RGS7: variants seen among roughly 807,000 people sequenced by gnomAD.
The protein encoded by RGS7 is regulator of G-protein signaling 7.
A neutral mutation model predicts 81.1 loss-of-function variants in RGS7; 27 were observed. The ratio of observed to expected loss-of-function variants is 0.33; its 90% CI spans 0.25 to 0.46. RGS7 has a LOEUF of 0.46. Among genes scored for constraint, RGS7 ranks in the 20% least tolerant of loss-of-function variants. RGS7 has a pLI of 1.00. For synonymous variants in RGS7, 208 were observed against 207.7 expected (o/e 1.00, Z -0.01); for missense variants, 396 against 607.4 (o/e 0.65, Z 3.66).
At chr1:240,903,079 T>A (rs555903901) in intron 6 of RGS7, among the ~76,000 whole-genome samples, 4 of 152,338 alleles carry the variant, frequency 2.6e-5, no homozygotes, top group African/African-American at 4.8e-5. Flanking sequence ...GTTTAAATAA[T>A]CATGAAGGCA....
chr1:240,843,861 A>T (rs1293084354), intron 9 of RGS7, among the ~76,000 whole-genome samples: 2 of 151,260 alleles, frequency 1.3e-5, no homozygotes, highest in African/African-American at 4.9e-5. Context: ...TTTTTTAAAA[A>T]TACAATTTGT....
At chr1:241,112,815 G>A (rs1558734971) in intron 2 of RGS7, among the ~76,000 whole-genome samples, 1 of 152,116 alleles carries the variant, frequency 6.6e-6, no homozygotes, top group Non-Finnish European at 1.5e-5. Flanking sequence ...ACGTTAAGAT[G>A]GATTTTATTT....
Position 240,791,876 on chromosome 1 carries a change from C to G in RGS7, c.*6+8765G>C, listed in dbSNP as rs1034568413. The stretch of plus-strand genomic sequence containing the variant: ...AATGTGCAAATATTACCCTTTAGAC[C>G]GTTGATGGAATTCTGCTTAACTCTT... On this transcript the variant is annotated intron_variant, in intron 18 of 18. Transcript: ENST00000440928. Among the ~76,000 whole-genome samples, 3 of 152,056 alleles carry G rather than the reference C, an allele frequency of 2.0e-5. No individual in the cohort carries two copies. In the East Asian group the frequency reaches 5.8e-4, roughly 29 times the overall value.
chr1:241,286,695 A>C (rs2148426782), intron 2 of RGS7, among the ~76,000 whole-genome samples: 1 of 152,340 alleles, frequency 6.6e-6, no homozygotes, highest in South Asian at 2.1e-4. Flanking sequence ...TTTCTGAACA[A>C]GTGCCAGCAC....
At chr1:240,834,236 G>A (rs995394817) in intron 9 of RGS7, among the ~76,000 whole-genome samples, 8 of 152,166 alleles carry the variant, frequency 5.3e-5, no homozygotes, top group Admixed American at 4.6e-4. Flanking sequence ...GTTGTTTGAG[G>A]AAATTGCTCC....
chr1:240,972,093 C>T (rs915728304), intron 4 of RGS7, among the ~76,000 whole-genome samples: 1 of 152,110 alleles, frequency 6.6e-6, no homozygotes, highest in Non-Finnish European at 1.5e-5. Context: ...GTAAATATAA[C>T]ATCAAATCCA....
At chr1:241,269,025 C>T (rs2077736200) in intron 2 of RGS7, among the ~76,000 whole-genome samples, 1 of 152,186 alleles carries the variant, frequency 6.6e-6, no homozygotes, top group Non-Finnish European at 1.5e-5. Context: ...TTAGTACGTG[C>T]ATAATGAATT....
intron 2 of RGS7, among the ~76,000 whole-genome samples, chr1:241,202,180 G>A (rs1176992008): frequency 6.6e-6 from 1 of 152,024 alleles, no homozygotes; most frequent in African/African-American, 2.4e-5. Flanking sequence ...GACAAAAGAG[G>A]TATTTCTGTA....
chr1:240,816,217 C>T (rs1477799442), intron 11 of RGS7, 100 bp downstream of exon 11: 1 of 801,806 alleles, frequency 1.2e-6, no homozygotes. Flanking sequence ...GTCAGTCATA[C>T]AAATAACCTA....
At chr1:241,014,408 T>A (rs1035776908) in intron 3 of RGS7, among the ~76,000 whole-genome samples, 1 of 152,246 alleles carries the variant, frequency 6.6e-6, no homozygotes, top group African/African-American at 2.4e-5. Context: ...TTTTATGCAA[T>A]GTTACTTAAA....
At chr1:240,979,063 T>G (rs1052429987) in intron 4 of RGS7, among the ~76,000 whole-genome samples, 2 of 152,122 alleles carry the variant, frequency 1.3e-5, no homozygotes, top group African/African-American at 4.8e-5. Flanking sequence ...AGAAAAGGCA[T>G]TACAGGTATC....
At chr1:240,815,378 G>T (rs754869158) in intron 11 of RGS7, among the ~76,000 whole-genome samples, 1 of 152,064 alleles carries the variant, frequency 6.6e-6, no homozygotes, top group East Asian at 1.9e-4. Flanking sequence ...GATTTTAAAC[G>T]TTCATTCATG....
At chr1:241,108,533 A>T (rs899644857) in intron 2 of RGS7, among the ~76,000 whole-genome samples, 1 of 152,164 alleles carries the variant, frequency 6.6e-6, no homozygotes, top group Non-Finnish European at 1.5e-5. Context: ...TGAAAGAGTA[A>T]CTTAGGTTTC....
chr1:240,878,415 T>C (rs1055551872), intron 6 of RGS7, among the ~76,000 whole-genome samples: 3 of 152,068 alleles, frequency 2.0e-5, no homozygotes, highest in Non-Finnish European at 4.4e-5. Context: ...CAAAACATAG[T>C]TGGGGAGTGA....
chr1:241,015,059 A>G (rs1002437453), intron 3 of RGS7, among the ~76,000 whole-genome samples: 10 of 152,226 alleles, frequency 6.6e-5, no homozygotes, highest in African/African-American at 2.4e-4. Flanking sequence ...ATGGGCATTG[A>G]ATCACAAATT....
At chr1:241,228,205 A>G (rs1177740679) in intron 2 of RGS7, among the ~76,000 whole-genome samples, 1 of 152,210 alleles carries the variant, frequency 6.6e-6, no homozygotes, top group Non-Finnish European at 1.5e-5. Context: ...AGGTGAGCCC[A>G]GCGTTCTGTC....
At chr1:241,070,737 C>A (rs1027802197) in intron 3 of RGS7, among the ~76,000 whole-genome samples, 1 of 150,848 alleles carries the variant, frequency 6.6e-6, no homozygotes, top group Non-Finnish European at 1.5e-5. Flanking sequence ...ATTTGGCAAG[C>A]CACTACATAA....
chr1:241,256,737 G>A (rs2077066831), intron 2 of RGS7, among the ~76,000 whole-genome samples: 1 of 151,966 alleles, frequency 6.6e-6, no homozygotes, highest in African/African-American at 2.4e-5. Context: ...TTCTTATAGG[G>A]GCACTAATCC....
intron 3 of RGS7, among the ~76,000 whole-genome samples, chr1:241,057,758 A>G (rs1248847492): frequency 6.6e-6 from 1 of 152,138 alleles, no homozygotes; most frequent in African/African-American, 2.4e-5. Context: ...AAAAATACAA[A>G]GAAATTAGCT....
Sources: allele counts gnomAD v4.1 joint callset (sites outside exome capture counted in the v4.1 genomes callset), GRCh38; gene constraint gnomAD v4.1.1; transcripts MANE v1.5; gene names NCBI Gene and HGNC (gene_info 2026-07-23, HGNC 2026-07-21).